The following CCL26 variants were observed in gnomAD, a reference collection of about 807,000 sequenced individuals.
The protein encoded by CCL26 is C-C motif chemokine ligand 26.
Under a neutral mutation model 10.7 loss-of-function variants are expected in CCL26, and 10 were observed. The observed-to-expected ratio is 0.93, with a 90% confidence interval of 0.57 to 1.58. CCL26 has a LOEUF of 1.58. Among genes scored for constraint, CCL26 ranks in the 40% most tolerant of loss-of-function variants. The pLI, the probability that CCL26 is intolerant of heterozygous loss-of-function variation, is 0.00. For synonymous variants in CCL26, 43 were observed against 41.4 expected, an observed-to-expected ratio of 1.04 and a Z score of -0.15; for missense variants, 116 against 111.0, an observed-to-expected ratio of 1.05 and a Z score of -0.20.
Position 75,769,594 on chromosome 7 carries a change from C to A in CCL26, c.*99G>T. On this transcript the variant is annotated 3_prime_UTR_variant, in exon 3 of 3. Transcript: ENST00000005180. Reference sequence around the variant, plus strand: ...GGAGGAAACACCCTCTCCTCCCCAGCGGGTCCATGTAGCCTTCAGAAAAGA... The same window carrying A: ...GGAGGAAACACCCTCTCCTCCCCAGAGGGTCCATGTAGCCTTCAGAAAAGA... 2 of 681,586 alleles carry A rather than the reference C, an allele frequency of 2.9e-6. No homozygotes were observed. The highest frequency in any genetic ancestry group is 1.8e-5 in the South Asian group (1 of 55,078). The allele number at this position is 681,586 out of a possible 1,614,324, so 42.2% of individuals were successfully genotyped here.
intron 1 of CCL26, among the ~76,000 whole-genome samples, chr7:75,786,147 T>G (rs1345995619): frequency 4.6e-5 from 7 of 152,188 alleles, no homozygotes; most frequent in Non-Finnish European, 8.8e-5. Flanking sequence ...TGGCCCAGAC[T>G]TCAATCCGGC....
upstream of CCL26, among the ~76,000 whole-genome samples, chr7:75,775,237 T>A (rs1334382717): frequency 6.6e-6 from 1 of 151,774 alleles, no homozygotes. Context: ...AAAAAACAAA[T>A]TCTTTTTTGA....
At chr7:75,776,398 G>T (rs78154784), upstream of CCL26, among the ~76,000 whole-genome samples, 1 of 151,140 alleles carries the variant, frequency 6.6e-6, no homozygotes, top group Non-Finnish European at 1.5e-5. Flanking sequence ...AGCTGGGGCT[G>T]GGCATGGTGG....
upstream of CCL26, among the ~76,000 whole-genome samples, chr7:75,777,196 C>T (rs1802960837): frequency 6.6e-6 from 1 of 152,148 alleles, no homozygotes; most frequent in South Asian, 2.1e-4. Flanking sequence ...TGCACCACTG[C>T]ACTCCAGCCT....
At chr7:75,775,224 GA>G (rs1324147357), upstream of CCL26, among the ~76,000 whole-genome samples, 1 of 149,870 alleles carries the variant, frequency 6.7e-6, no homozygotes. Flanking sequence ...ATTTCAGAAG[GA>G]AAAAAAACAA....
chr7:75,779,230 G>T (rs181959754), intron 1 of CCL26, among the ~76,000 whole-genome samples: 89 of 152,072 alleles, frequency 5.9e-4, no homozygotes, highest in Middle Eastern at 3.4e-3. Context: ...GACTCAGCCC[G>T]CCTGCACTCA....
At chr7:75,778,506 T>C (rs1554529015) in intron 1 of CCL26, among the ~76,000 whole-genome samples, 1 of 151,260 alleles carries the variant, frequency 6.6e-6, no homozygotes, top group African/African-American at 2.4e-5. Flanking sequence ...TGAAGTGATA[T>C]ATCTCACTGT....
At chr7:75,775,290 C>T (rs900957556), upstream of CCL26, among the ~76,000 whole-genome samples, 32 of 152,064 alleles carry the variant, frequency 2.1e-4, no homozygotes, top group Non-Finnish European at 4.3e-4. Context: ...TGACCCTGTT[C>T]TTTACAAAAA....
intron 1 of CCL26, among the ~76,000 whole-genome samples, chr7:75,777,742 A>AAAAAAAAAAG (rs1802973173): frequency 1.4e-5 from 2 of 146,598 alleles, no homozygotes; most frequent in African/African-American, 5.0e-5. Context: ...AAAAAAAAAA[A>AAAAAAAAAAG]GCAGCAGCAG....
chr7:75,772,687 A>C (rs11465327), upstream of CCL26, among the ~76,000 whole-genome samples: 434 of 152,078 alleles, frequency 2.9e-3, 2 homozygotes, highest in African/African-American at 9.5e-3. Flanking sequence ...CAAACAACAA[A>C]AAAAAACAAG....
intron 1 of CCL26, among the ~76,000 whole-genome samples, chr7:75,778,826 C>T (rs1049010525): frequency 1.9e-4 from 28 of 147,752 alleles, no homozygotes; most frequent in Admixed American, 1.5e-3. Context: ...GCCTGTAATC[C>T]CAGCACTTTG....
At chr7:75,779,266 C>T (rs1266705981) in intron 1 of CCL26, among the ~76,000 whole-genome samples, 1 of 152,196 alleles carries the variant, frequency 6.6e-6, no homozygotes, top group Non-Finnish European at 1.5e-5. Context: ...TTATTGCTCA[C>T]ACAAATCCTG....
At chr7:75,777,636 C>T (rs1327812759) in intron 1 of CCL26, among the ~76,000 whole-genome samples, 1 of 139,436 alleles carries the variant, frequency 7.2e-6, no homozygotes, top group Admixed American at 7.9e-5. Flanking sequence ...TTGGTCCCAG[C>T]TGCTTGGGAG....
intron 1 of CCL26, among the ~76,000 whole-genome samples, chr7:75,780,854 C>G (rs1554529343): frequency 1.3e-5 from 2 of 152,156 alleles, no homozygotes; most frequent in African/African-American, 4.8e-5. Flanking sequence ...CCCCACCCTA[C>G]AATCCTTTTA....
chr7:75,779,896 C>A (rs959172567), intron 1 of CCL26, among the ~76,000 whole-genome samples: 1 of 152,152 alleles, frequency 6.6e-6, no homozygotes. Flanking sequence ...CCCCTCCCAC[C>A]CTTTCTCCAC....
In CCL26 at chr7:75,769,794, G is replaced by GA; in HGVS notation, c.189-6dup. 1 of 1,566,850 alleles carries GA rather than the reference G, an allele frequency of 6.4e-7. No individual in the cohort carries two copies. The highest frequency in any genetic ancestry group is 8.8e-7 in the Non-Finnish European group (1 of 1,137,110). ...TTGCCTCTTTTGGTAGTGAATCTGT[G>GA]AAAAAGAGACACGGATAAGTCAATA... is the stretch of plus-strand genomic sequence containing the variant. On this transcript the variant is annotated splice_region_variant and splice_polypyrimidine_tract_variant and intron_variant, in intron 2 of 2. Coordinates refer to ENST00000005180, the MANE Select transcript of CCL26 (RefSeq NM_001371938.1).
upstream of CCL26, among the ~76,000 whole-genome samples, chr7:75,775,756 C>G (rs868987581): frequency 6.6e-6 from 1 of 152,156 alleles, no homozygotes; most frequent in South Asian, 2.1e-4. Context: ...TGAAGGGATA[C>G]GGGGAGTTAC....
At chr7:75,777,527 C>T (rs1239212785) in intron 1 of CCL26, among the ~76,000 whole-genome samples, 3 of 151,848 alleles carry the variant, frequency 2.0e-5, no homozygotes, top group Non-Finnish European at 4.4e-5. Flanking sequence ...ATAGGAGGAT[C>T]GCTTGAGCCC....
At chr7:75,790,574 T>A (rs985915536), upstream of CCL26, among the ~76,000 whole-genome samples, 2 of 151,958 alleles carry the variant, frequency 1.3e-5, no homozygotes, top group Non-Finnish European at 2.9e-5. Flanking sequence ...CTCTTATGGA[T>A]GTCTTCTAAT....
Sources: allele counts gnomAD v4.1 joint callset (sites outside exome capture counted in the v4.1 genomes callset), GRCh38; gene constraint gnomAD v4.1.1; transcripts MANE v1.5; gene names NCBI Gene and HGNC (gene_info 2026-07-23, HGNC 2026-07-21).